The following CAMTA1 variants were observed in gnomAD, a reference collection of about 807,000 sequenced individuals.
The protein encoded by CAMTA1 is calmodulin-binding transcription activator 1.
Under a neutral mutation model 170.9 loss-of-function variants are expected in CAMTA1, and 27 were observed. The observed-to-expected ratio is 0.16, with a 90% CI of 0.12 to 0.22. The LOEUF (loss-of-function observed/expected upper bound fraction) is 0.22, where lower values mean the gene tolerates loss of function less well. CAMTA1 is among the 10% of genes least tolerant of loss of function. CAMTA1 has a pLI of 1.00. For missense variants in CAMTA1, 1,619 were observed against 2,217.2 expected (o/e 0.73, Z 5.42); for synonymous variants, 833 against 891.5 (o/e 0.93, Z 1.17).
chr1:7,209,046 C>T (rs1170037591), intron 4 of CAMTA1, among the ~76,000 whole-genome samples: 1 of 152,098 alleles, frequency 6.6e-6, no homozygotes, highest in East Asian at 1.9e-4. Context: ...TGATTCAAGG[C>T]CCCACCCTTT....
chr1:7,708,618 G>A (rs554943217), intron 11 of CAMTA1, among the ~76,000 whole-genome samples: 15 of 152,294 alleles, frequency 9.8e-5, no homozygotes, highest in Admixed American at 2.6e-4. Flanking sequence ...CGTGATCCCT[G>A]TAATTTGCTT....
chr1:6,878,598 A>C (rs1670594692), intron 3 of CAMTA1, among the ~76,000 whole-genome samples: 1 of 152,220 alleles, frequency 6.6e-6, no homozygotes, highest in Non-Finnish European at 1.5e-5. Context: ...GAAAACAAAA[A>C]ACAAAAACAC....
Position 7,738,613 on chromosome 1 carries a change from A to G in CAMTA1, c.4182+131A>G. The G allele has an allele frequency of 2.1e-6, 2 of 951,998 alleles. No individual in the cohort carries two copies. The highest frequency in any genetic ancestry group is 3.0e-6 in the Non-Finnish European group (2 of 656,212). The allele number at this position is 951,998 out of a possible 1,614,324, so 59.0% of individuals were successfully genotyped here. On this transcript the variant is annotated intron_variant, in intron 16 of 22. Coordinates refer to ENST00000303635, the MANE Select transcript of CAMTA1 (RefSeq NM_015215.4). This position sits in a 1 kb window ranked among gnomAD's most constrained non-coding sequence, Gnocchi z 4.9. ...CTTCGAAGTTGGCTTTGTGCAGAACATCGTTGGAGTATCTTCTTTCCTTGG... is the reference window on the plus strand; with the variant it reads ...CTTCGAAGTTGGCTTTGTGCAGAACGTCGTTGGAGTATCTTCTTTCCTTGG...
chr1:7,575,986 C>T (rs1312210075), intron 6 of CAMTA1, among the ~76,000 whole-genome samples: 1 of 152,080 alleles, frequency 6.6e-6, no homozygotes, highest in Admixed American at 6.5e-5. Context: ...GCAGGAGGCT[C>T]AGCACTGGGG....
rs1287821920 is a variant in CAMTA1 at position 7,642,664 on chromosome 1, G to A, written c.664+2111G>A. Among the ~76,000 whole-genome samples the A allele has an allele frequency of 6.6e-6, 1 of 152,160 alleles. No individual in the cohort carries two copies. The highest frequency in any genetic ancestry group is 1.9e-4 in the East Asian group (1 of 5,186). ...CAGGAATGCTGGTGCCCCCTGGCCA[G>A]GGCGGTAGAAAGAGTCAGGGCTGGC... On this transcript the variant is annotated intron_variant, in intron 7 of 22. Transcript: ENST00000303635. The surrounding 1 kb of genome is among the most constrained non-coding windows in gnomAD (Gnocchi z 6.3).
chr1:7,419,943 C>T (rs2149307760), intron 5 of CAMTA1, among the ~76,000 whole-genome samples: 1 of 152,272 alleles, frequency 6.6e-6, no homozygotes, highest in Non-Finnish European at 1.5e-5. Flanking sequence ...ACTCCACCAT[C>T]CCGCCCTCCA....
At chr1:7,430,832 ATC>A (rs1421954509) in intron 5 of CAMTA1, among the ~76,000 whole-genome samples, 14 of 152,358 alleles carry the variant, frequency 9.2e-5, no homozygotes, top group Middle Eastern at 6.8e-3. Flanking sequence ...AAGGCTCGCC[ATC>A]TGTTTCCTAT....
At position 6,975,736 on chromosome 1, in the gene CAMTA1, A is replaced by C. The variant is rs1693306025; in HGVS notation, c.235-115568A>C. On this transcript the variant is annotated intron_variant, in intron 3 of 22. Transcript: ENST00000303635. ...TATACTCACAGAGTTGTGCAGCCAC[A>C]CTACAACCAATTTTAAAACATTTTA... 2.6e-5 allele frequency among the ~76,000 whole-genome samples: 4 copies of C among 152,176 alleles called. No individual in the cohort carries two copies. The South Asian group carries it at 8.3e-4, about 32-fold the overall frequency.
Position 6,972,850 on chromosome 1 carries a change from T to TTTTCCC in CAMTA1, c.235-118444_235-118439dup, listed in dbSNP as rs537014776. On this transcript the variant is annotated intron_variant, in intron 3 of 22. Transcript: ENST00000303635. Reference sequence around the variant, plus strand: ...ATTTTTCCTTTCCTTTTCCTTTTCCTTTTCCCTTTCCCTTTTTTGAGACGG... The same window carrying TTTTCCC: ...ATTTTTCCTTTCCTTTTCCTTTTCCTTTTCCCTTTCCCTTTCCCTTTTTTGAGACGG... 2.7e-4 allele frequency among the ~76,000 whole-genome samples: 41 copies of TTTTCCC among 152,128 alleles called. No individual in the cohort carries two copies. The East Asian group carries it at 7.7e-3, about 29-fold the overall frequency.
At chr1:7,422,275 A>C (rs2091613193) in intron 5 of CAMTA1, among the ~76,000 whole-genome samples, 1 of 151,926 alleles carries the variant, frequency 6.6e-6, no homozygotes, top group Non-Finnish European at 1.5e-5. Flanking sequence ...GGAGACAGTG[A>C]GTGATGCAAG....
chr1:7,068,596 A>G (rs1558051256), intron 3 of CAMTA1, among the ~76,000 whole-genome samples: 2 of 151,966 alleles, frequency 1.3e-5, no homozygotes, highest in Non-Finnish European at 1.5e-5. Context: ...TCTGTTTTTT[A>G]TTGAAAAATC....
At chr1:7,090,956 C>T (rs571531996) in intron 3 of CAMTA1, among the ~76,000 whole-genome samples, 6 of 152,274 alleles carry the variant, frequency 3.9e-5, no homozygotes, top group South Asian at 2.1e-4. Flanking sequence ...GGTCTCGCAT[C>T]GTGGAGAATT....
intron 3 of CAMTA1, among the ~76,000 whole-genome samples, chr1:6,891,009 C>G (rs1421174942): frequency 6.6e-6 from 1 of 152,148 alleles, no homozygotes; most frequent in East Asian, 1.9e-4. Flanking sequence ...TCTAAGCTGT[C>G]TTTTGAACCT....
chr1:7,001,964 T>A (rs1698283478), intron 3 of CAMTA1, among the ~76,000 whole-genome samples: 1 of 149,918 alleles, frequency 6.7e-6, no homozygotes, highest in African/African-American at 2.5e-5. Context: ...TGGCGCTATC[T>A]CAGCTCACTG....
At chr1:7,655,106 A>ACACTCC (rs2095879813) in intron 7 of CAMTA1, among the ~76,000 whole-genome samples, 1 of 103,572 alleles carries the variant, frequency 9.7e-6, no homozygotes, top group African/African-American at 4.1e-5. Context: ...ACACACCTAT[A>ACACTCC]CACACACCTA....
chr1:6,826,208 C>G (rs1011668307), intron 3 of CAMTA1, among the ~76,000 whole-genome samples: 3 of 152,272 alleles, frequency 2.0e-5, no homozygotes, highest in Non-Finnish European at 4.4e-5. Flanking sequence ...GGATAAAAGT[C>G]TCTTTCCTTA....
chr1:7,367,542 G>A (rs1057138922), intron 5 of CAMTA1, among the ~76,000 whole-genome samples: 6 of 152,250 alleles, frequency 3.9e-5, no homozygotes, highest in African/African-American at 1.4e-4. Flanking sequence ...TCTGGGCAGG[G>A]ATTGAGATGG....
chr1:7,450,131 G>A lies in CAMTA1; in HGVS notation c.439-17699G>A, dbSNP rs143573599. Among the ~76,000 whole-genome samples the A allele has an allele frequency of 1.9e-3, 284 of 152,282 alleles. 2 individuals are homozygous for A. The highest frequency in any genetic ancestry group is 5.8e-3 in the African/African-American group (241 of 41,558). On this transcript the variant is annotated intron_variant, in intron 5 of 22. Coordinates refer to ENST00000303635, the MANE Select transcript of CAMTA1 (RefSeq NM_015215.4). The stretch of plus-strand genomic sequence containing the variant: ...GCACCAACTTGGAGGCCACCATCCC[G>A]CAAGCCATGGGTCTGAATCCCTGTG...
Position 7,562,080 on chromosome 1 carries a change from T to A in CAMTA1, c.511-78320T>A, listed in dbSNP as rs2094964395. Among the ~76,000 whole-genome samples the A allele has an allele frequency of 6.6e-6, 1 of 152,140 alleles. No homozygotes were observed. Among genetic ancestry groups the A allele is most frequent in the African/African-American group, 2.4e-5 (1 of 41,426 alleles). ...TTGGGAGATGGTGTTCAGGGAAGCC[T>A]TTGTGCCCCAGGAAAAGCCAGGCCA... On this transcript the variant is annotated intron_variant, in intron 6 of 22. Transcript: ENST00000303635. This position sits in a 1 kb window ranked among gnomAD's most constrained non-coding sequence, Gnocchi z 4.8.
Sources: allele counts gnomAD v4.1 joint callset (sites outside exome capture counted in the v4.1 genomes callset), GRCh38; gene constraint gnomAD v4.1.1; non-coding constraint Gnocchi (gnomAD v3.1); transcripts MANE v1.5; gene names NCBI Gene and HGNC (gene_info 2026-07-23, HGNC 2026-07-21).